The following DCDC1 variants were observed in gnomAD, a reference collection of about 807,000 sequenced individuals.
The protein encoded by DCDC1 is doublecortin domain-containing protein 1.
In DCDC1, 200 loss-of-function variants were observed where a neutral mutation model predicts 178.3. The ratio of observed to expected loss-of-function variants is 1.12; its 90% CI spans 1.00 to 1.26. The LOEUF (loss-of-function observed/expected upper bound fraction) is 1.26, where lower values mean the gene tolerates loss of function less well. Ranked by LOEUF, DCDC1 falls within the 50% of genes most tolerant of loss-of-function variation. DCDC1 has a pLI of 0.00. For missense variants in DCDC1, 1,983 were observed against 1,749.2 expected, an observed-to-expected ratio of 1.13 and a Z score of -2.38; for synonymous variants, 690 against 604.8, an observed-to-expected ratio of 1.14 and a Z score of -2.07.
At position 31,131,074 on chromosome 11, in the gene DCDC1, C is replaced by T. The variant is rs1962370811; in HGVS notation, c.1315-3435G>A. Among the ~76,000 whole-genome samples, 2 of 79,822 alleles carry T rather than the reference C, an allele frequency of 2.5e-5. 1 individual carries two copies. Among genetic ancestry groups the T allele is most frequent in the African/African-American group, 8.7e-5 (2 of 23,062 alleles). 52.4% of individuals were successfully genotyped at this position (79,822 alleles called of 152,430 possible). A position where few individuals can be genotyped will look rare whatever the true frequency, so the allele number is the denominator to read the frequency against. ...GCGGGCGCCTGTAGTCCCAGCTACT[C>T]GGGAGGCTGAGGCAGGAGAATGGCG... is the stretch of plus-strand genomic sequence containing the variant. On this transcript the variant is annotated intron_variant, in intron 10 of 38. Coordinates refer to ENST00000684477, the MANE Select transcript of DCDC1 (RefSeq NM_001387274.1).
intron 9 of DCDC1, among the ~76,000 whole-genome samples, chr11:31,215,650 G>A (rs1028653197): frequency 1.3e-4 from 19 of 151,860 alleles, no homozygotes; most frequent in Non-Finnish European, 2.1e-4. Flanking sequence ...AAAATTAGCC[G>A]GGCATGGTGG....
chr11:31,028,325 TAAA>T, intron 20 of DCDC1, among the ~76,000 whole-genome samples: 1 of 151,984 alleles, frequency 6.6e-6, no homozygotes, highest in East Asian at 1.9e-4. Flanking sequence ...TACCTTTGTC[TAAA>T]AGGTTTTAAG....
chr11:31,368,592 A>AT (rs1402025807), intron 1 of DCDC1, among the ~76,000 whole-genome samples: 1 of 152,210 alleles, frequency 6.6e-6, no homozygotes, highest in Non-Finnish European at 1.5e-5. Context: ...TCATCTTTAG[A>AT]TTTTTAAACT....
intron 9 of DCDC1, among the ~76,000 whole-genome samples, chr11:31,178,344 A>G (rs1204353907): frequency 6.6e-6 from 1 of 152,240 alleles, no homozygotes; most frequent in African/African-American, 2.4e-5. Flanking sequence ...TCACATGCAG[A>G]AGAGTGAGAT....
At chr11:30,964,343 G>A (rs917543414) in intron 20 of DCDC1, among the ~76,000 whole-genome samples, 1 of 152,098 alleles carries the variant, frequency 6.6e-6, no homozygotes, top group Non-Finnish European at 1.5e-5. Flanking sequence ...CTTTATCATC[G>A]AATGTGCAGT....
chr11:31,282,414 A>G (rs1249635084), intron 7 of DCDC1, among the ~76,000 whole-genome samples: 1 of 151,310 alleles, frequency 6.6e-6, no homozygotes, highest in Non-Finnish European at 1.5e-5. Context: ...CTATTAAAGG[A>G]TAATATATAT....
intron 22 of DCDC1, among the ~76,000 whole-genome samples, chr11:30,929,136 T>A (rs1946770016): frequency 6.6e-6 from 1 of 152,132 alleles, no homozygotes; most frequent in African/African-American, 2.4e-5. Context: ...ATTCGTTCAG[T>A]AGTCACTAAT....
chr11:31,340,092 C>T (rs1314525051), intron 1 of DCDC1, among the ~76,000 whole-genome samples: 1 of 152,132 alleles, frequency 6.6e-6, no homozygotes, highest in African/African-American at 2.4e-5. Context: ...TAGCTCCACT[C>T]CCAGTGGTAA....
At chr11:31,144,598 C>A (rs530126590) in intron 9 of DCDC1, among the ~76,000 whole-genome samples, 2 of 152,034 alleles carry the variant, frequency 1.3e-5, no homozygotes, top group African/African-American at 4.8e-5. Flanking sequence ...ATTTTTTGAC[C>A]GTTTGGTAAG....
chr11:31,020,566 T>C lies in DCDC1; in HGVS notation c.2591+43903A>G, dbSNP rs290086. 8.0e-3 allele frequency among the ~76,000 whole-genome samples: 1,221 copies of C among 152,252 alleles called. 9 individuals are homozygous for C. Among genetic ancestry groups the C allele is most frequent in the African/African-American group, 0.028 (1,167 of 41,540 alleles). On this transcript the variant is annotated intron_variant, in intron 20 of 38. Coordinates refer to ENST00000684477, the MANE Select transcript of DCDC1 (RefSeq NM_001387274.1). ...TCATTTTCAGCACTATAAATGTATA[T>C]CTTGAAAATATCTCTTAGATTATTT...
At chr11:31,175,520 G>A (rs1265247669) in intron 9 of DCDC1, among the ~76,000 whole-genome samples, 3 of 152,054 alleles carry the variant, frequency 2.0e-5, no homozygotes, top group Admixed American at 1.3e-4. Flanking sequence ...GTTCGTACTC[G>A]ACCCAACAGT....
chr11:31,014,251 C>T (rs766370478), intron 20 of DCDC1, among the ~76,000 whole-genome samples: 3 of 151,946 alleles, frequency 2.0e-5, no homozygotes, highest in African/African-American at 4.8e-5. Context: ...CTCCCTTCCT[C>T]TCTTTGTTTC....
At chr11:30,940,376 C>A (rs750682929) in intron 21 of DCDC1, among the ~76,000 whole-genome samples, 10 of 152,110 alleles carry the variant, frequency 6.6e-5, no homozygotes, top group Non-Finnish European at 1.5e-4. Context: ...TTGACCAACC[C>A]CTCTTCTTTA....
At chr11:30,941,621 T>C (rs115142029) in intron 21 of DCDC1, among the ~76,000 whole-genome samples, 3,121 of 152,280 alleles carry the variant, frequency 0.02, 97 homozygotes, top group African/African-American at 0.07. Flanking sequence ...TTAAAAATTT[T>C]GGAAATTTAC....
chr11:31,092,429 A>G (rs1186038254), intron 16 of DCDC1, among the ~76,000 whole-genome samples: 2 of 152,200 alleles, frequency 1.3e-5, no homozygotes, highest in South Asian at 2.1e-4. Flanking sequence ...TTTATTAAGC[A>G]CTTTCTGTAT....
chr11:31,051,481 G>A (rs562843963), intron 20 of DCDC1, among the ~76,000 whole-genome samples: 2 of 152,218 alleles, frequency 1.3e-5, no homozygotes, highest in Admixed American at 6.5e-5. Context: ...AGAACACCTG[G>A]GAAATTCACA....
At chr11:31,061,700 C>T (rs1463862266) in intron 20 of DCDC1, among the ~76,000 whole-genome samples, 1 of 152,096 alleles carries the variant, frequency 6.6e-6, no homozygotes, top group Non-Finnish European at 1.5e-5. Context: ...TAGTCAATTC[C>T]TGTTGACTAA....
rs72156406 is a variant in DCDC1 at position 31,315,306 on chromosome 11, C to CTTTTTTT, written c.165-7405_165-7399dup. On this transcript the variant is annotated intron_variant, in intron 3 of 38. Coordinates refer to ENST00000684477, the MANE Select transcript of DCDC1 (RefSeq NM_001387274.1). ...CTTCCATAGTTCCTATTTGCATACC[C>CTTTTTTT]TTTTTTTTTTTTTTTTTTTTTTTTT... Among the ~76,000 whole-genome samples the CTTTTTTT allele has an allele frequency of 2.6e-4, 16 of 62,212 alleles. 1 individual carries two copies. Among genetic ancestry groups the CTTTTTTT allele is most frequent in the East Asian group, 6.0e-4 (1 of 1,672 alleles). 40.8% of individuals were successfully genotyped at this position (62,212 alleles called of 152,430 possible). A position where few individuals can be genotyped will look rare whatever the true frequency, so the allele number is the denominator to read the frequency against.
intron 37 of DCDC1, 108 bp from the exon 38 acceptor site, chr11:30,878,819 T>C: frequency 9.5e-7 from 1 of 1,048,578 alleles, no homozygotes; most frequent in Non-Finnish European, 1.3e-6. Flanking sequence ...AATCCTTGGC[T>C]CCCACCCTGG....
Sources: gnomAD v4.1 joint callset for allele counts (sites outside exome capture counted in the v4.1 genomes callset) on GRCh38, gnomAD v4.1.1 for gene constraint, MANE v1.5 for transcripts, NCBI Gene and HGNC (gene_info 2026-07-23, HGNC 2026-07-21) for gene names.